Variants in C1orf159 observed in about 807,000 individuals in gnomAD.
The protein encoded by C1orf159 is chromosome 1 open reading frame 159.
Under a neutral mutation model 25.6 loss-of-function variants are expected in C1orf159, and 19 were observed. The observed-to-expected ratio is 0.74, with a 90% CI of 0.52 to 1.09. The LOEUF (loss-of-function observed/expected upper bound fraction) is 1.09. C1orf159 is among the 50% of genes least tolerant of loss of function. C1orf159 has a pLI of 0.00. For missense variants in C1orf159, 274 were observed against 290.6 expected (o/e 0.94, Z 0.42); for synonymous variants, 139 against 124.7 (o/e 1.12, Z -0.77).
At chr1:1,102,132 A>C (rs1646110921) in intron 1 of C1orf159, among the ~76,000 whole-genome samples, 1 of 143,394 alleles carries the variant, frequency 7.0e-6, no homozygotes, top group Non-Finnish European at 1.5e-5. Context: ...GTGTGGTTTT[A>C]TTCTCATTTA....
rs1302515484 is a variant in C1orf159 at position 1,089,912 on chromosome 1, G to A, written c.148+441C>T. Among the ~76,000 whole-genome samples the A allele has an allele frequency of 6.6e-6, 1 of 152,206 alleles. No homozygotes were observed. The highest frequency in any genetic ancestry group is 2.4e-5 in the African/African-American group (1 of 41,456). ...GCCCGTGGCACGCTGACACAGGCCG[G>A]CATCCTCGTGGCGTCCTGTTGATTG... is the stretch of plus-strand genomic sequence containing the variant. On this transcript the variant is annotated intron_variant, in intron 4 of 9. Coordinates refer to ENST00000421241, the MANE Select transcript of C1orf159 (RefSeq NM_017891.5). This position sits in a 1 kb window ranked among gnomAD's most constrained non-coding sequence, Gnocchi z 7.5.
chr1:1,107,040 C>A (rs540865262), intron 1 of C1orf159, among the ~76,000 whole-genome samples: 5 of 152,190 alleles, frequency 3.3e-5, no homozygotes, highest in Admixed American at 6.5e-5. Context: ...CGAGGCCCCC[C>A]GCACCCCCGC....
rs1365488878 is a variant in C1orf159, at chr1:1,087,872, C to T, written c.149-275G>A. Among the ~76,000 whole-genome samples the T allele has an allele frequency of 2.7e-5, 4 of 150,156 alleles. No individual in the cohort carries two copies. The highest frequency in any genetic ancestry group is 6.0e-5 in the Non-Finnish European group (4 of 67,218). ...ACTCTCCACGCCGAGCACCCCGGCC[C>T]CGAGTACTCCACGCTGCACTCTCCA... On this transcript the variant is annotated intron_variant, in intron 4 of 9. Transcript: ENST00000421241. The surrounding 1 kb of genome is among the most constrained non-coding windows in gnomAD (Gnocchi z 8.3).
At position 1,089,611 on chromosome 1, in the gene C1orf159, CCT is replaced by C. The variant is rs1251035468; in HGVS notation, c.148+740_148+741del. Among the ~76,000 whole-genome samples, 1 of 152,170 alleles carries C rather than the reference CCT, an allele frequency of 6.6e-6. No homozygotes were observed. The highest frequency in any genetic ancestry group is 1.5e-5 in the Non-Finnish European group (1 of 68,008). ...TTGACCACGCCCTCCTCACGAGGCC[CCT>C]GAGTCCCCAGGAGCAGCCCTTCTGG... is the stretch of plus-strand genomic sequence containing the variant. On this transcript the variant is annotated intron_variant, in intron 4 of 9. Coordinates refer to ENST00000421241, the MANE Select transcript of C1orf159 (RefSeq NM_017891.5). This position sits in a 1 kb window ranked among gnomAD's most constrained non-coding sequence, Gnocchi z 7.5.
At chr1:1,084,174 A>G (rs1553184570) in intron 9 of C1orf159, 179 bp downstream of exon 9, 2 of 1,532,642 alleles carry the variant, frequency 1.3e-6, no homozygotes, top group Non-Finnish European at 1.8e-6. Context: ...GATCCAGAGC[A>G]GGGGGCACCA....
chr1:1,087,284 G>A lies in C1orf159; in HGVS notation c.245-80C>T. 2 of 1,403,500 alleles carry A rather than the reference G, an allele frequency of 1.4e-6. No homozygotes were observed. The highest frequency in any genetic ancestry group is 1.9e-6 in the Non-Finnish European group (2 of 1,040,668). 86.9% of individuals were successfully genotyped at this position (1,403,500 alleles called of 1,614,324 possible). A position where few individuals can be genotyped will look rare whatever the true frequency, so the allele number is the denominator to read the frequency against. On this transcript the variant is annotated intron_variant, in intron 5 of 9. Transcript: ENST00000421241. The surrounding 1 kb of genome is among the most constrained non-coding windows in gnomAD (Gnocchi z 8.3). ...CCACGTGCACCCTGAAGGGATCTCA[G>A]GACGGAAATATGAAAGCGAGGGGCT...
At position 1,091,344 on chromosome 1, in the gene C1orf159, T is replaced by A. The variant is rs1234635261; in HGVS notation, c.72+128A>T. On this transcript the variant is annotated intron_variant, in intron 3 of 9. Coordinates refer to ENST00000421241, the MANE Select transcript of C1orf159 (RefSeq NM_017891.5). ...CCTCTGACCCCAGCAGTGGACCTGG[T>A]CAGCACCTCTGGGGCTGGGACATCA... 3 of 925,568 alleles carry A rather than the reference T, an allele frequency of 3.2e-6. No homozygotes were observed. In the East Asian group the frequency reaches 7.9e-5, roughly 25 times the overall value. 57.3% of individuals were successfully genotyped at this position (925,568 alleles called of 1,614,324 possible).
rs1419560525 is a variant in C1orf159 at position 1,110,742 on chromosome 1, A to G, written c.-136+5318T>C. Reference sequence around the variant, plus strand: ...ATAGGCCCAACTCTTCAGACAGCGGAAACCCACCCGGGCGCCCTCAGAGAC... The same window carrying G: ...ATAGGCCCAACTCTTCAGACAGCGGGAACCCACCCGGGCGCCCTCAGAGAC... On this transcript the variant is annotated intron_variant, in intron 1 of 9. Transcript: ENST00000421241. The surrounding 1 kb of genome is among the most constrained non-coding windows in gnomAD (Gnocchi z 4.8). 6.6e-6 allele frequency among the ~76,000 whole-genome samples: 1 copy of G among 152,214 alleles called. No homozygotes were observed. Among genetic ancestry groups the G allele is most frequent in the East Asian group, 1.9e-4 (1 of 5,196 alleles).
At chr1:1,091,190 A>T (rs1415081083) in intron 3 of C1orf159, 1 of 615,590 alleles carries the variant, frequency 1.6e-6, no homozygotes, top group African/African-American at 1.8e-5. Flanking sequence ...CTGTGCTGTC[A>T]CCGCTGGCAG....
chr1:1,103,981 G>A (rs1273562072), intron 1 of C1orf159, among the ~76,000 whole-genome samples: 1 of 145,888 alleles, frequency 6.9e-6, no homozygotes, highest in Non-Finnish European at 1.5e-5. Context: ...CTGCCAGATA[G>A]TAGAATTTTT....
At chr1:1,102,959 G>T (rs1646123549) in intron 1 of C1orf159, among the ~76,000 whole-genome samples, 1 of 151,784 alleles carries the variant, frequency 6.6e-6, no homozygotes, top group Non-Finnish European at 1.5e-5. Flanking sequence ...CTCCCGAGTA[G>T]CTGGGATTAC....
chr1:1,090,586 G>GC, intron 3 of C1orf159, 158 bp from the exon 4 acceptor site: 1 of 793,202 alleles, frequency 1.3e-6, no homozygotes, highest in Non-Finnish European at 2.0e-6. Context: ...TCCCCTGTGG[G>GC]CCTGGGAGCA....
intron 3 of C1orf159, chr1:1,090,947 C>T: frequency 6.5e-7 from 1 of 1,550,360 alleles, no homozygotes; most frequent in Non-Finnish European, 8.7e-7. Flanking sequence ...GTACCCTCAG[C>T]TTGTGTGTTG....
intron 1 of C1orf159, among the ~76,000 whole-genome samples, chr1:1,096,406 G>C (rs1426788381): frequency 6.6e-6 from 1 of 152,162 alleles, no homozygotes; most frequent in African/African-American, 2.4e-5. Context: ...GGCCTCAGGT[G>C]ATCCTCCTGC....
chr1:1,113,913 CTTTTTT>C (rs763307791), intron 1 of C1orf159, among the ~76,000 whole-genome samples: 5 of 121,014 alleles, frequency 4.1e-5, no homozygotes, highest in South Asian at 3.0e-4. Flanking sequence ...CCCTCGAGGC[CTTTTTT>C]TTTTTTTTTT....
At chr1:1,090,742 CT>C in intron 3 of C1orf159, 1 of 832,166 alleles carries the variant, frequency 1.2e-6, no homozygotes, top group South Asian at 1.5e-5. Flanking sequence ...CTCTGCAAGT[CT>C]CCGGAGGCTC....
chr1:1,083,700 G>T, intron 9 of C1orf159: 1 of 586,688 alleles, frequency 1.7e-6, no homozygotes, highest in Non-Finnish European at 3.0e-6. Context: ...GGGTCTGCTG[G>T]GCACTTGCAG....
rs571642855 is a variant in C1orf159 at position 1,104,457 on chromosome 1, T to C, written c.-136+11603A>G. Among the ~76,000 whole-genome samples, 27 of 152,354 alleles carry C rather than the reference T, an allele frequency of 1.8e-4. No individual in the cohort carries two copies. In the South Asian group the frequency reaches 5.4e-3, roughly 30 times the overall value. ...TCCAGAGCCCTCAGGGAGCTGTTTT[T>C]CATACTCTGTCCATGGTTATAGTTG... On this transcript the variant is annotated intron_variant, in intron 1 of 9. Transcript: ENST00000421241.
In C1orf159 at chr1:1,087,046, G is replaced by A; in HGVS notation, c.310+93C>T. ...TGTTTTGCAGAACCCTGAGCCTGCTGTGGCTGCGTCAAGGGTGAGGGTCTG... is the reference window on the plus strand; with the variant it reads ...TGTTTTGCAGAACCCTGAGCCTGCTATGGCTGCGTCAAGGGTGAGGGTCTG... On this transcript the variant is annotated intron_variant, in intron 6 of 9. Transcript: ENST00000421241. The surrounding 1 kb of genome is among the most constrained non-coding windows in gnomAD (Gnocchi z 8.3). 7.7e-7 allele frequency: 1 copy of A among 1,295,530 alleles called. No individual in the cohort carries two copies. Among genetic ancestry groups the A allele is most frequent in the Non-Finnish European group, 1.1e-6 (1 of 925,868 alleles). The allele number at this position is 1,295,530 out of a possible 1,614,324, so 80.3% of individuals were successfully genotyped here.
Sources: allele counts gnomAD v4.1 joint callset (sites outside exome capture counted in the v4.1 genomes callset), GRCh38; gene constraint gnomAD v4.1.1; non-coding constraint Gnocchi (gnomAD v3.1); transcripts MANE v1.5; gene names NCBI Gene and HGNC (gene_info 2026-07-23, HGNC 2026-07-21).